Variants in LMCD1 observed in about 807,000 individuals in gnomAD.
LMCD1 encodes LIM and cysteine rich domains 1.
Under a neutral mutation model 42.7 loss-of-function variants are expected in LMCD1, and 32 were observed. That is an observed-to-expected ratio of 0.75 (90% CI 0.57 to 1.01). The LOEUF (loss-of-function observed/expected upper bound fraction) is 1.01. Ranked by LOEUF, LMCD1 falls within the 50% of genes least tolerant of loss-of-function variation. The probability of loss-of-function intolerance (pLI) is 0.00; values close to 1 mark genes in which losing one functional copy is unlikely to be tolerated. For synonymous variants in LMCD1, 178 were observed against 184.9 expected, an observed-to-expected ratio of 0.96 and a Z score of 0.30; for missense variants, 458 against 483.1, an observed-to-expected ratio of 0.95 and a Z score of 0.49.
Position 8,553,650 on chromosome 3 carries a change from G to A in LMCD1, c.723+4747G>A, listed in dbSNP as rs149852785. Reference sequence around the variant, plus strand: ...CACCTAAAATTAGCCTTGGCACCTCGGTCCACTTCAGAAATGAACCAAAAG... The same window carrying A: ...CACCTAAAATTAGCCTTGGCACCTCAGTCCACTTCAGAAATGAACCAAAAG... On this transcript the variant is annotated intron_variant, in intron 4 of 5. Transcript: ENST00000157600. Among the ~76,000 whole-genome samples, 98 of 152,238 alleles carry A rather than the reference G, an allele frequency of 6.4e-4. 6 individuals are homozygous for A. The East Asian group carries it at 0.01, about 16-fold the overall frequency.
intron 1 of LMCD1, among the ~76,000 whole-genome samples, chr3:8,530,276 C>G (rs1694387251): frequency 6.6e-6 from 1 of 152,186 alleles, no homozygotes; most frequent in Non-Finnish European, 1.5e-5. Flanking sequence ...CAAGCCAGTT[C>G]CTTATTTTTC....
At chr3:8,545,265 TA>T (rs1399934720) in intron 3 of LMCD1, among the ~76,000 whole-genome samples, 3 of 152,082 alleles carry the variant, frequency 2.0e-5, no homozygotes, top group African/African-American at 4.8e-5. Flanking sequence ...GTAAATGAAA[TA>T]AAAATATTCA....
At chr3:8,507,745 T>C (rs1472417256) in intron 1 of LMCD1, among the ~76,000 whole-genome samples, 1 of 152,232 alleles carries the variant, frequency 6.6e-6, no homozygotes, top group East Asian at 1.9e-4. Context: ...ACGACTTGTC[T>C]AAGGTCACAT....
At chr3:8,523,343 A>C (rs1400776580) in intron 1 of LMCD1, among the ~76,000 whole-genome samples, 1 of 152,224 alleles carries the variant, frequency 6.6e-6, no homozygotes, top group African/African-American at 2.4e-5. Context: ...ACACACATAC[A>C]CACTCTCACA....
chr3:8,551,017 A>T, intron 4 of LMCD1: 1 of 985,420 alleles, frequency 1.0e-6, no homozygotes, highest in Non-Finnish European at 1.2e-6. Context: ...TTTAAATAGC[A>T]ATACTAGACA....
chr3:8,560,448 C>T (rs1050403801), intron 4 of LMCD1, among the ~76,000 whole-genome samples: 1 of 152,074 alleles, frequency 6.6e-6, no homozygotes, highest in African/African-American at 2.4e-5. Flanking sequence ...ATTTCTATCC[C>T]TCTCCCTTTC....
chr3:8,549,947 G>C, intron 4 of LMCD1: 1 of 1,008,370 alleles, frequency 9.9e-7, no homozygotes, highest in South Asian at 1.4e-5. Context: ...CTGAGGACCT[G>C]AGCCCTCACG....
At chr3:8,535,837 A>G (rs1009712465) in intron 2 of LMCD1, among the ~76,000 whole-genome samples, 2 of 152,166 alleles carry the variant, frequency 1.3e-5, no homozygotes, top group African/African-American at 4.8e-5. Flanking sequence ...CACAATTGAC[A>G]TTTTGGGCCT....
At chr3:8,508,817 C>A (rs1693935810) in intron 1 of LMCD1, among the ~76,000 whole-genome samples, 1 of 152,164 alleles carries the variant, frequency 6.6e-6, no homozygotes, top group African/African-American at 2.4e-5. Flanking sequence ...ACTTCCACCC[C>A]CAGAGTATCC....
intron 1 of LMCD1, among the ~76,000 whole-genome samples, chr3:8,504,331 G>T (rs1693831475): frequency 6.6e-6 from 1 of 152,224 alleles, no homozygotes; most frequent in South Asian, 2.1e-4. Flanking sequence ...AACAGTATGT[G>T]GGGGAGGTTT....
At chr3:8,565,789 C>G in intron 5 of LMCD1, 142 bp downstream of exon 5, 1 of 772,178 alleles carries the variant, frequency 1.3e-6, no homozygotes, top group Non-Finnish European at 2.1e-6. Flanking sequence ...TGCATGCTCT[C>G]AACCTTCATT....
chr3:8,532,437 G>A (rs889119840), intron 1 of LMCD1, among the ~76,000 whole-genome samples: 6 of 152,290 alleles, frequency 3.9e-5, no homozygotes, highest in Admixed American at 6.5e-5. Context: ...GTCACTCACA[G>A]CAGGGCGTTT....
chr3:8,508,582 T>C, intron 1 of LMCD1, among the ~76,000 whole-genome samples: 1 of 152,214 alleles, frequency 6.6e-6, no homozygotes, highest in Non-Finnish European at 1.5e-5. Flanking sequence ...AGCAGAATCT[T>C]GTTATCTGCT....
intron 3 of LMCD1, among the ~76,000 whole-genome samples, chr3:8,538,578 A>G (rs1694554932): frequency 2.0e-5 from 3 of 152,166 alleles, no homozygotes; most frequent in African/African-American, 2.4e-5. Flanking sequence ...CAGTGCTAGA[A>G]CACACCAAGC....
rs114390622 is a variant in LMCD1 at position 8,521,825 on chromosome 3, G to A, written c.43-10912G>A. On this transcript the variant is annotated intron_variant, in intron 1 of 5. Transcript: ENST00000157600. ...GATTCGGTTGGTAGACCAGATGACC[G>A]AGGGAACTGTGATTGCAATCATAGA... 3.6e-3 allele frequency among the ~76,000 whole-genome samples: 547 copies of A among 152,258 alleles called. 4 individuals carry two copies. Among genetic ancestry groups the A allele is most frequent in the African/African-American group, 0.012 (515 of 41,532 alleles).
intron 4 of LMCD1, 37 bp from the exon 5 acceptor site, chr3:8,565,395 C>T: frequency 6.3e-7 from 1 of 1,577,906 alleles, no homozygotes; most frequent in Non-Finnish European, 8.7e-7. Context: ...GCTCTCCTGA[C>T]TTCCTTGTCT....
Position 8,501,914 on chromosome 3 carries a change from C to A in LMCD1, c.-25C>A. The A allele has an allele frequency of 6.3e-7, 1 of 1,582,878 alleles. No homozygotes were observed. The highest frequency in any genetic ancestry group is 8.6e-7 in the Non-Finnish European group (1 of 1,166,176). On this transcript the variant is annotated 5_prime_UTR_variant, in exon 1 of 6. Transcript: ENST00000157600. ...TCGCGCCTCTGCCTGAGAAGCCAGG[C>A]GCTGTTCCCCCACCCCAGAAGAGGA...
At chr3:8,553,086 G>A (rs1223670326) in intron 4 of LMCD1, among the ~76,000 whole-genome samples, 1 of 152,114 alleles carries the variant, frequency 6.6e-6, no homozygotes, top group Non-Finnish European at 1.5e-5. Flanking sequence ...GGAGAGCTCT[G>A]GAAGCACAGG....
At chr3:8,556,788 C>A (rs1218919441) in intron 4 of LMCD1, among the ~76,000 whole-genome samples, 3 of 152,242 alleles carry the variant, frequency 2.0e-5, no homozygotes, top group African/African-American at 4.8e-5. Flanking sequence ...TGTTCTCTTA[C>A]ACGTGTAGCA....
Sources: allele counts gnomAD v4.1 joint callset (sites outside exome capture counted in the v4.1 genomes callset), GRCh38; gene constraint gnomAD v4.1.1; transcripts MANE v1.5; gene names NCBI Gene and HGNC (gene_info 2026-07-23, HGNC 2026-07-21).